The following INPP4B variants were observed in gnomAD, a reference collection of about 807,000 sequenced individuals.
The protein encoded by INPP4B is inositol polyphosphate-4-phosphatase type II B.
In INPP4B, 55 loss-of-function variants were observed where a neutral mutation model predicts 122.5. The observed-to-expected ratio is 0.45, with a 90% CI of 0.36 to 0.56. The LOEUF is 0.56. Ranked by LOEUF, INPP4B falls within the 20% of genes least tolerant of loss-of-function variation. INPP4B has a pLI of 0.00. For missense variants in INPP4B, 1,000 were observed against 1,097.7 expected (o/e 0.91, Z 1.26); for synonymous variants, 403 against 388.7 (o/e 1.04, Z -0.43).
At chr4:142,239,808 A>C (rs1428472464) in intron 11 of INPP4B, among the ~76,000 whole-genome samples, 1 of 152,044 alleles carries the variant, frequency 6.6e-6, no homozygotes, top group African/African-American at 2.4e-5. Flanking sequence ...ATTGTTTCTT[A>C]TTTAGCAACA....
intron 15 of INPP4B, among the ~76,000 whole-genome samples, chr4:142,185,737 C>T (rs1259965866): frequency 2.0e-5 from 3 of 151,144 alleles, no homozygotes; most frequent in Non-Finnish European, 3.0e-5. Context: ...AAATTAGCCG[C>T]GCGTGGTGGC....
intron 2 of INPP4B, among the ~76,000 whole-genome samples, chr4:142,554,618 C>T (rs76696279): frequency 0.048 from 7,382 of 152,218 alleles, 213 homozygotes; most frequent in South Asian, 0.068. Context: ...CCCTCATACC[C>T]TGGGCTCTAC....
chr4:142,590,697 G>A (rs1189469544), intron 2 of INPP4B, among the ~76,000 whole-genome samples: 1 of 151,578 alleles, frequency 6.6e-6, no homozygotes, highest in African/African-American at 2.4e-5. Context: ...ATAATATATA[G>A]AGGTTATATA....
chr4:142,042,707 C>G (rs1368039846), intron 25 of INPP4B, among the ~76,000 whole-genome samples: 1 of 152,118 alleles, frequency 6.6e-6, no homozygotes, highest in Non-Finnish European at 1.5e-5. Flanking sequence ...GAATTACAGG[C>G]ACGCGCCCTC....
At chr4:142,423,796 G>A (rs1248176356) in intron 5 of INPP4B, 10 of 434,620 alleles carry the variant, frequency 2.3e-5, no homozygotes, top group Middle Eastern at 6.9e-4. Flanking sequence ...GTGGCTTACA[G>A]AGTGAATATG....
intron 21 of INPP4B, among the ~76,000 whole-genome samples, chr4:142,113,971 C>T (rs144319688): frequency 0.02 from 3,048 of 152,076 alleles, 57 homozygotes; most frequent in Non-Finnish European, 0.033. Flanking sequence ...ATACTACCAC[C>T]GCTAGCCCAG....
In INPP4B at chr4:142,082,019, CA is replaced by C; in HGVS notation, c.2642+11del. On this transcript the variant is annotated intron_variant, in intron 25 of 25. Coordinates refer to ENST00000262992, the MANE Select transcript of INPP4B (RefSeq NM_001101669.3). ...CCTTAAAAGAAAAAAACTTGAAAAA[CA>C]TGTGAGATACCTTCTCATGCAATCC... The C allele has an allele frequency of 2.1e-6, 3 of 1,396,640 alleles. No individual in the cohort carries two copies. Among genetic ancestry groups the C allele is most frequent in the Non-Finnish European group, 2.8e-6 (3 of 1,057,970 alleles). 86.5% of individuals were successfully genotyped at this position (1,396,640 alleles called of 1,614,324 possible).
rs986401926 is a variant in INPP4B at position 142,107,991 on chromosome 4, C to T, written c.2374+102G>A. The T allele has an allele frequency of 7.7e-6, 5 of 645,914 alleles. No homozygotes were observed. In the Admixed American group the frequency reaches 1.2e-4, roughly 16 times the overall value. The allele number at this position is 645,914 out of a possible 1,614,324, so 40.0% of individuals were successfully genotyped here. ...TAATTTCAAAATCACTCTCACATCC[C>T]TACCCCTGCTTCTGTAGTCCACTGA... On this transcript the variant is annotated intron_variant, in intron 23 of 25. Transcript: ENST00000262992.
rs988718689 is a variant in INPP4B, at chr4:142,023,691, A to C, written c.*5091T>G. On this transcript the variant is annotated 3_prime_UTR_variant, in exon 26 of 26. Transcript: ENST00000262992. Reference sequence around the variant, plus strand: ...TGGCGGTAATTTAGATGATTGAAGGAATATTATGAATGTATTTACACTGTG... The same window carrying C: ...TGGCGGTAATTTAGATGATTGAAGGCATATTATGAATGTATTTACACTGTG... 1 of 152,156 alleles carries C rather than the reference A, an allele frequency of 6.6e-6. No individual in the cohort carries two copies. Among genetic ancestry groups the C allele is most frequent in the Non-Finnish European group, 1.5e-5 (1 of 68,008 alleles). 9.4% of individuals were successfully genotyped at this position (152,156 alleles called of 1,614,324 possible).
intron 1 of INPP4B, among the ~76,000 whole-genome samples, chr4:142,739,925 A>AT (rs1767661252): frequency 6.6e-6 from 1 of 152,040 alleles, no homozygotes. Context: ...GAAAAGAGAC[A>AT]TGAAGAACAA....
At chr4:142,581,168 A>G (rs998710847) in intron 2 of INPP4B, among the ~76,000 whole-genome samples, 2 of 152,086 alleles carry the variant, frequency 1.3e-5, no homozygotes, top group African/African-American at 4.8e-5. Flanking sequence ...TTAAAAAAAT[A>G]TACTTTTGTT....
intron 23 of INPP4B, among the ~76,000 whole-genome samples, chr4:142,091,044 C>T (rs1269034858): frequency 1.3e-5 from 2 of 151,988 alleles, no homozygotes; most frequent in Non-Finnish European, 2.9e-5. Flanking sequence ...TATGAGGATG[C>T]AAAACATCAA....
chr4:142,295,581 A>G (rs527370576), intron 9 of INPP4B, among the ~76,000 whole-genome samples: 2 of 152,314 alleles, frequency 1.3e-5, no homozygotes, highest in African/African-American at 4.8e-5. Flanking sequence ...ATAGTGTCTA[A>G]TAAGCTGTTG....
chr4:142,191,271 C>T (rs1835706113), intron 15 of INPP4B, among the ~76,000 whole-genome samples: 2 of 152,050 alleles, frequency 1.3e-5, no homozygotes, highest in Admixed American at 1.3e-4. Flanking sequence ...AACTGGGTGC[C>T]ACAGAATTTC....
chr4:142,645,409 T>A (rs1351260165), intron 2 of INPP4B, among the ~76,000 whole-genome samples: 1 of 152,198 alleles, frequency 6.6e-6, no homozygotes, highest in Non-Finnish European at 1.5e-5. Flanking sequence ...TCTTCCTTTT[T>A]CTTTTAGTAT....
intron 25 of INPP4B, among the ~76,000 whole-genome samples, chr4:142,055,674 TATTTA>T (rs1757259758): frequency 1.3e-5 from 2 of 152,000 alleles, no homozygotes; most frequent in Admixed American, 6.6e-5. Context: ...TATATAATCT[TATTTA>T]ATTTTCTACT....
chr4:142,322,105 G>A (rs190326418), intron 7 of INPP4B, among the ~76,000 whole-genome samples: 5 of 152,272 alleles, frequency 3.3e-5, no homozygotes, highest in East Asian at 1.9e-4. Context: ...CATGGTAAGA[G>A]TCAAACATCT....
intron 5 of INPP4B, among the ~76,000 whole-genome samples, chr4:142,408,413 C>T (rs1244823817): frequency 3.9e-5 from 6 of 152,048 alleles, no homozygotes; most frequent in East Asian, 3.9e-4. Flanking sequence ...ATTAGCTGGG[C>T]GTGGTGGCAC....
At chr4:142,066,967 G>A (rs1054161311) in intron 25 of INPP4B, among the ~76,000 whole-genome samples, 2 of 152,192 alleles carry the variant, frequency 1.3e-5, no homozygotes, top group Non-Finnish European at 2.9e-5. Flanking sequence ...TGGGTTTGAA[G>A]AGAGTAGTGG....
Sources: gnomAD v4.1 joint callset for allele counts (sites outside exome capture counted in the v4.1 genomes callset) on GRCh38, gnomAD v4.1.1 for gene constraint, MANE v1.5 for transcripts, NCBI Gene and HGNC (gene_info 2026-07-23, HGNC 2026-07-21) for gene names.